GATB: variants seen among roughly 807,000 people sequenced by gnomAD.
The protein encoded by GATB is glutamyl-tRNA amidotransferase subunit B, also known as glutamyl-tRNA(Gln) amidotransferase subunit B, mitochondrial.
Under a neutral mutation model 62.3 loss-of-function variants are expected in GATB, and 39 were observed. The ratio of observed to expected loss-of-function variants is 0.63; its 90% CI spans 0.48 to 0.82. The LOEUF (loss-of-function observed/expected upper bound fraction) is 0.82, where lower values mean the gene tolerates loss of function less well. Among genes scored for constraint, GATB ranks in the 40% least tolerant of loss-of-function variants. GATB has a pLI of 0.00. For missense variants in GATB, 670 were observed against 684.0 expected (o/e 0.98, Z 0.23); for synonymous variants, 276 against 258.9 (o/e 1.07, Z -0.63).
chr4:151,671,153 G>A lies in GATB; in HGVS notation c.*21C>T, dbSNP rs201147877. 1.5e-4 allele frequency: 243 copies of A among 1,613,832 alleles called. No individual in the cohort carries two copies. Among genetic ancestry groups the A allele is most frequent in the Non-Finnish European group, 9.1e-5 (107 of 1,179,892 alleles). On this transcript the variant is annotated 3_prime_UTR_variant, in exon 13 of 13. Transcript: ENST00000263985. ...CTGCACTGTTTGTTGTTGTCCCTTG[G>A]GCAAGGGGATCCCAAACATCTCACA...
intron 9 of GATB, among the ~76,000 whole-genome samples, chr4:151,696,219 C>A (rs1440295235): frequency 6.6e-6 from 1 of 152,184 alleles, no homozygotes; most frequent in Non-Finnish European, 1.5e-5. Context: ...ATGATTTCTG[C>A]TTTTCATTGG....
intron 2 of GATB, among the ~76,000 whole-genome samples, chr4:151,757,441 C>A (rs893429135): frequency 6.6e-6 from 1 of 150,886 alleles, no homozygotes; most frequent in African/African-American, 2.4e-5. Context: ...GCAAGCCTGC[C>A]AGTGCTCAGT....
intron 2 of GATB, among the ~76,000 whole-genome samples, chr4:151,749,204 T>C (rs1014613280): frequency 6.6e-6 from 1 of 152,182 alleles, no homozygotes; most frequent in Non-Finnish European, 1.5e-5. Flanking sequence ...TAAAGACACA[T>C]GCACACGTAT....
intron 11 of GATB, among the ~76,000 whole-genome samples, chr4:151,678,279 C>A (rs1287845467): frequency 6.6e-6 from 1 of 152,154 alleles, no homozygotes; most frequent in African/African-American, 2.4e-5. Flanking sequence ...ACATCTGAAC[C>A]CAGCTGTCAG....
intron 1 of GATB, 27 bp downstream of exon 1, chr4:151,760,780 T>C (rs779749161): frequency 2.6e-6 from 4 of 1,544,082 alleles, no homozygotes; most frequent in Non-Finnish European, 3.5e-6. Context: ...CACAGTTAGG[T>C]GGGCAGAAAT....
intron 2 of GATB, among the ~76,000 whole-genome samples, chr4:151,739,648 C>T (rs997006851): frequency 1.3e-5 from 2 of 152,170 alleles, no homozygotes; most frequent in Non-Finnish European, 2.9e-5. Context: ...ACATCTATGC[C>T]CAGACATGAT....
intron 5 of GATB, 29 bp from the exon 6 acceptor site, chr4:151,708,130 A>G (rs1356209856): frequency 1.9e-5 from 28 of 1,464,054 alleles, no homozygotes; most frequent in Non-Finnish European, 2.6e-5. Flanking sequence ...ACAACTCCTT[A>G]GAAATTCTTT....
intron 10 of GATB, among the ~76,000 whole-genome samples, chr4:151,686,652 GCCCCC>G (rs374250502): frequency 1.4e-5 from 1 of 70,922 alleles, no homozygotes; most frequent in Non-Finnish European, 2.7e-5. Context: ...TCCCCGCCCC[GCCCCC>G]CCCCCACCCC....
chr4:151,748,998 G>C (rs372288446), intron 2 of GATB, among the ~76,000 whole-genome samples: 11 of 152,186 alleles, frequency 7.2e-5, no homozygotes, highest in Admixed American at 7.2e-4. Flanking sequence ...TCATTAAAAA[G>C]TCAGGAAACA....
chr4:151,758,646 A>C (rs1189492116), intron 2 of GATB, 126 bp downstream of exon 2: 3 of 772,936 alleles, frequency 3.9e-6, no homozygotes, highest in African/African-American at 3.5e-5. Context: ...ATCCCGCTTC[A>C]CCCAAAACTC....
intron 2 of GATB, among the ~76,000 whole-genome samples, chr4:151,752,414 C>T (rs186018839): frequency 8.3e-4 from 126 of 152,202 alleles, no homozygotes; most frequent in Middle Eastern, 3.4e-3. Context: ...TATTTTTTCA[C>T]GAGTCTCTTA....
At chr4:151,696,800 GA>G (rs1355481725) in intron 9 of GATB, among the ~76,000 whole-genome samples, 1 of 152,230 alleles carries the variant, frequency 6.6e-6, no homozygotes, top group Non-Finnish European at 1.5e-5. Flanking sequence ...ATGCCCCACA[GA>G]AATCAGCCAG....
chr4:151,727,652 G>A (rs1006507053), intron 2 of GATB, among the ~76,000 whole-genome samples: 2 of 152,164 alleles, frequency 1.3e-5, no homozygotes, highest in African/African-American at 4.8e-5. Context: ...TAGTCAGAAA[G>A]AACAGAATCT....
At chr4:151,683,368 C>T (rs6845944) in intron 10 of GATB, among the ~76,000 whole-genome samples, 90,738 of 151,970 alleles carry the variant, frequency 0.6, 29,629 homozygotes, top group African/African-American at 0.88. Context: ...CCTGGGGCTG[C>T]ACCGTAAGCT....
At chr4:151,680,451 T>C (rs893778178) in intron 10 of GATB, among the ~76,000 whole-genome samples, 1 of 152,184 alleles carries the variant, frequency 6.6e-6, no homozygotes, top group Non-Finnish European at 1.5e-5. Flanking sequence ...TCACACAGCT[T>C]TCTGGACACA....
At chr4:151,734,010 T>C (rs1739320086) in intron 2 of GATB, among the ~76,000 whole-genome samples, 1 of 152,140 alleles carries the variant, frequency 6.6e-6, no homozygotes, top group Non-Finnish European at 1.5e-5. Flanking sequence ...TGGGGAAAAG[T>C]TGAAAGCATT....
At chr4:151,741,545 A>G (rs1739488192) in intron 2 of GATB, among the ~76,000 whole-genome samples, 1 of 152,180 alleles carries the variant, frequency 6.6e-6, no homozygotes, top group Non-Finnish European at 1.5e-5. Context: ...TCAGGAATGA[A>G]TTTGTGGGGA....
chr4:151,747,454 A>G (rs1000638761), intron 2 of GATB, among the ~76,000 whole-genome samples: 2 of 152,214 alleles, frequency 1.3e-5, no homozygotes, highest in Non-Finnish European at 2.9e-5. Context: ...GCACTATCTA[A>G]GCTGTGTGGC....
intron 5 of GATB, among the ~76,000 whole-genome samples, chr4:151,709,595 A>T (rs1738779114): frequency 6.6e-6 from 1 of 152,018 alleles, no homozygotes; most frequent in Non-Finnish European, 1.5e-5. Context: ...ACCAGTTTGG[A>T]AGCTGTCAAA....
Sources: allele counts gnomAD v4.1 joint callset (sites outside exome capture counted in the v4.1 genomes callset), GRCh38; gene constraint gnomAD v4.1.1; transcripts MANE v1.5; gene names NCBI Gene and HGNC (gene_info 2026-07-23, HGNC 2026-07-21).